The following MYRFL variants were observed in gnomAD, a reference collection of about 807,000 sequenced individuals.
MYRFL encodes the protein myelin regulatory factor like, also known as myelin regulatory factor-like protein.
A neutral mutation model predicts 109.4 loss-of-function variants in MYRFL; 88 were observed. The observed-to-expected ratio is 0.80, with a 90% CI of 0.68 to 0.96. The LOEUF is 0.96. MYRFL is among the 40% of genes least tolerant of loss of function. The pLI is 0.00. For synonymous variants in MYRFL, 324 were observed against 320.9 expected (o/e 1.01, Z -0.10); for missense variants, 957 against 954.9 (o/e 1.00, Z -0.03).
intron 19 of MYRFL, among the ~76,000 whole-genome samples, chr12:69,947,939 G>C (rs182985942): frequency 6.6e-6 from 1 of 152,062 alleles, no homozygotes; most frequent in Non-Finnish European, 1.5e-5. Context: ...GCTTTTTTTG[G>C]GCACCATCCT....
chr12:69,893,652 G>T (rs1887047228), intron 7 of MYRFL, 112 bp from the exon 8 acceptor site: 2 of 426,090 alleles, frequency 4.7e-6, no homozygotes, highest in East Asian at 8.7e-5. Flanking sequence ...TGTTCCTCCT[G>T]CCCAGTGCCT....
intron 1 of MYRFL, among the ~76,000 whole-genome samples, chr12:69,847,041 G>A (rs1328346065): frequency 6.6e-6 from 1 of 152,026 alleles, no homozygotes; most frequent in African/African-American, 2.4e-5. Context: ...TTTTTGATGG[G>A]GTTGTTTGTT....
intron 5 of MYRFL, among the ~76,000 whole-genome samples, chr12:69,886,082 C>A (rs1213611527): frequency 6.6e-6 from 1 of 151,342 alleles, no homozygotes; most frequent in Admixed American, 6.6e-5. Context: ...AACCAAAATT[C>A]AAAAAAAAGC....
At chr12:69,950,975 G>A (rs1955958961) in intron 19 of MYRFL, among the ~76,000 whole-genome samples, 2 of 152,118 alleles carry the variant, frequency 1.3e-5, no homozygotes, top group Non-Finnish European at 2.9e-5. Flanking sequence ...GGGTTACAGA[G>A]GATTCAAAGA....
intron 17 of MYRFL, 29 bp downstream of exon 17, chr12:69,936,216 A>G (rs1180437602): frequency 1.2e-5 from 19 of 1,534,552 alleles, no homozygotes; most frequent in Non-Finnish European, 1.7e-5. Flanking sequence ...TTTCTGGCCT[A>G]AAATTCCTTT....
chr12:69,866,683 AC>A (rs1483892927), intron 2 of MYRFL, among the ~76,000 whole-genome samples: 2 of 152,140 alleles, frequency 1.3e-5, no homozygotes, highest in African/African-American at 4.8e-5. Flanking sequence ...AACCTAAGAG[AC>A]CACTGGGCTG....
In MYRFL at chr12:69,889,883, C is replaced by T. The variant is rs138104119; in HGVS notation, c.708-1088C>T. On this transcript the variant is annotated intron_variant, in intron 6 of 24. Transcript: ENST00000552032. ...AAAAAAAAAGTTTAGGATCTTGGAGCACTTCAGATTTGGGATTTTCAGATT... is the reference window on the plus strand; with the variant it reads ...AAAAAAAAAGTTTAGGATCTTGGAGTACTTCAGATTTGGGATTTTCAGATT... Among the ~76,000 whole-genome samples, 350 of 151,960 alleles carry T rather than the reference C, an allele frequency of 2.3e-3. 1 individual carries two copies. The highest frequency in any genetic ancestry group is 8.0e-3 in the African/African-American group (333 of 41,452).
chr12:69,826,899 T>G (rs1882313991), intron 1 of MYRFL, among the ~76,000 whole-genome samples: 1 of 152,128 alleles, frequency 6.6e-6, no homozygotes, highest in African/African-American at 2.4e-5. Context: ...ACAACCACTT[T>G]CTTTAAATGG....
intron 13 of MYRFL, among the ~76,000 whole-genome samples, chr12:69,922,152 G>A (rs1394311490): frequency 6.6e-6 from 1 of 152,086 alleles, no homozygotes; most frequent in Admixed American, 6.5e-5. Flanking sequence ...GGTTAGAGAG[G>A]ACGGCTGGAA....
intron 19 of MYRFL, among the ~76,000 whole-genome samples, chr12:69,945,000 AATAG>A (rs1955788969): frequency 1.3e-5 from 2 of 152,190 alleles, no homozygotes; most frequent in Non-Finnish European, 1.5e-5. Flanking sequence ...ACGAAAATAA[AATAG>A]ATATTTAAAA....
intron 15 of MYRFL, among the ~76,000 whole-genome samples, chr12:69,931,846 C>G (rs1955281506): frequency 6.6e-6 from 1 of 152,126 alleles, no homozygotes; most frequent in African/African-American, 2.4e-5. Context: ...TGTATCAGTC[C>G]TAAAGTTTTG....
chr12:69,839,661 G>T (rs895060116), intron 1 of MYRFL, among the ~76,000 whole-genome samples: 2 of 152,172 alleles, frequency 1.3e-5, no homozygotes, highest in Admixed American at 1.3e-4. Flanking sequence ...GATAATAATA[G>T]TACCTATCTC....
At chr12:69,862,489 G>A (rs1884746361) in intron 2 of MYRFL, among the ~76,000 whole-genome samples, 2 of 150,528 alleles carry the variant, frequency 1.3e-5, no homozygotes, top group Non-Finnish European at 1.5e-5. Flanking sequence ...GGATTCCTAG[G>A]TATTTTATTC....
chr12:69,881,386 C>T (rs1886096351), intron 5 of MYRFL, among the ~76,000 whole-genome samples: 1 of 152,234 alleles, frequency 6.6e-6, no homozygotes. Flanking sequence ...AGGTTGAAGA[C>T]TTCCTTCTTG....
rs879408764 is a variant in MYRFL, at chr12:69,861,759, C to T, written c.137+6389C>T. Among the ~76,000 whole-genome samples, 761 of 150,424 alleles carry T rather than the reference C, an allele frequency of 5.1e-3. 2 individuals are homozygous for T. Among genetic ancestry groups the T allele is most frequent in the Middle Eastern group, 0.01 (3 of 290 alleles). On this transcript the variant is annotated intron_variant, in intron 2 of 24. Coordinates refer to ENST00000552032, the MANE Select transcript of MYRFL (RefSeq NM_182530.3). ...CAGAAGCTCTTTAGTTTAATTAGAT[C>T]CCATTTGTCAATTTTGGCTTTTGTT...
At chr12:69,884,332 G>T (rs1215469035) in intron 5 of MYRFL, among the ~76,000 whole-genome samples, 3 of 152,198 alleles carry the variant, frequency 2.0e-5, no homozygotes, top group African/African-American at 4.8e-5. Context: ...GGGTTTCAGT[G>T]TGGGCCTGTA....
At chr12:69,942,711 A>T (rs1485726232) in intron 19 of MYRFL, among the ~76,000 whole-genome samples, 1 of 152,048 alleles carries the variant, frequency 6.6e-6, no homozygotes, top group African/African-American at 2.4e-5. Context: ...GAAGGAAATA[A>T]AGGGTATTCA....
At position 69,895,388 on chromosome 12, in the gene MYRFL, AC is replaced by A; in HGVS notation, c.1000del (p.Gln334ArgfsTer5). On this transcript the variant is annotated frameshift_variant, in exon 9 of 25. Coordinates refer to ENST00000552032, the MANE Select transcript of MYRFL (RefSeq NM_182530.3). LOFTEE classifies it high-confidence loss of function. ...TGTTTTAGAATTGACCTACTGGCTG[AC>A]CAGGTCACCAAAGTAACACTGGGAC... ...FNPVKIDLLADQVTKVTLGRL... is the reference protein window; with the variant it reads ...FNPVKIDLLAXQVTKVTLGRL... 3 of 1,534,580 alleles carry A rather than the reference AC, an allele frequency of 2.0e-6. No homozygotes were observed. The highest frequency in any genetic ancestry group is 2.6e-6 in the Non-Finnish European group (3 of 1,146,088).
intron 12 of MYRFL, 92 bp downstream of exon 12, chr12:69,910,169 G>T: frequency 1.2e-6 from 1 of 820,212 alleles, no homozygotes; most frequent in South Asian, 1.8e-5. Context: ...TATGGCATTT[G>T]ACAACGCTAT....
Sources: allele counts gnomAD v4.1 joint callset (sites outside exome capture counted in the v4.1 genomes callset), GRCh38; gene constraint gnomAD v4.1.1; transcripts MANE v1.5; gene names NCBI Gene and HGNC (gene_info 2026-07-23, HGNC 2026-07-21).